Variants in PHLPP1 observed in about 807,000 individuals in gnomAD.
PHLPP1 encodes PH domain and leucine rich repeat protein phosphatase 1, also known as PH domain leucine-rich repeat-containing protein phosphatase 1.
PHLPP1 carries 42 observed loss-of-function variants against 117.2 expected under a neutral mutation model. The observed-to-expected ratio is 0.36, with a 90% CI of 0.28 to 0.46. The LOEUF (loss-of-function observed/expected upper bound fraction) is 0.46. PHLPP1 is among the 20% of genes least tolerant of loss of function. The probability of loss-of-function intolerance (pLI) is 1.00; values close to 1 mark genes in which losing one functional copy is unlikely to be tolerated. For missense variants in PHLPP1, 2,084 were observed against 2,241.9 expected (o/e 0.93, Z 1.42); for synonymous variants, 1,042 against 970.7 (o/e 1.07, Z -1.37).
chr18:62,817,490 CA>C (rs565222747), intron 1 of PHLPP1, among the ~76,000 whole-genome samples: 125 of 151,776 alleles, frequency 8.2e-4, no homozygotes, highest in African/African-American at 2.9e-3. Flanking sequence ...ATGGGATTAA[CA>C]ATAGCTCAAA....
At chr18:62,750,392 C>G (rs537912457) in intron 1 of PHLPP1, among the ~76,000 whole-genome samples, 1 of 152,282 alleles carries the variant, frequency 6.6e-6, no homozygotes, top group East Asian at 1.9e-4. Context: ...CTCTCCATCC[C>G]TCTATACAGA....
chr18:62,823,020 T>C (rs147088834), intron 1 of PHLPP1, among the ~76,000 whole-genome samples: 1 of 152,288 alleles, frequency 6.6e-6, no homozygotes, highest in East Asian at 1.9e-4. Flanking sequence ...TTAATAGAAA[T>C]TTTTGCTTGA....
At chr18:62,806,051 T>C (rs1485366075) in intron 1 of PHLPP1, among the ~76,000 whole-genome samples, 1 of 152,168 alleles carries the variant, frequency 6.6e-6, no homozygotes, top group Non-Finnish European at 1.5e-5. Flanking sequence ...CAAAGTGCCC[T>C]CCCGGACTTC....
chr18:62,774,818 T>C (rs1912900549), intron 1 of PHLPP1, among the ~76,000 whole-genome samples: 1 of 151,206 alleles, frequency 6.6e-6, no homozygotes. Flanking sequence ...CTCAAATGAA[T>C]AGCACATGAA....
intron 4 of PHLPP1, among the ~76,000 whole-genome samples, chr18:62,876,480 A>G (rs1398121281): frequency 6.6e-6 from 1 of 152,146 alleles, no homozygotes; most frequent in Non-Finnish European, 1.5e-5. Context: ...TGTACTTATC[A>G]ATCCTTTTAT....
chr18:62,840,293 C>T (rs1382924226), intron 3 of PHLPP1, among the ~76,000 whole-genome samples: 8 of 152,074 alleles, frequency 5.3e-5, no homozygotes, highest in Admixed American at 1.3e-4. Context: ...TAGAGAGTTT[C>T]GGTTGATAGG....
chr18:62,934,541 G>A (rs910230411), intron 10 of PHLPP1, among the ~76,000 whole-genome samples: 10 of 152,078 alleles, frequency 6.6e-5, no homozygotes, highest in African/African-American at 1.4e-4. Flanking sequence ...CCATAAAGCC[G>A]GAAACAAGAG....
At chr18:62,723,531 G>A (rs767888614) in intron 1 of PHLPP1, among the ~76,000 whole-genome samples, 10 of 152,202 alleles carry the variant, frequency 6.6e-5, no homozygotes, top group Non-Finnish European at 1.5e-4. Flanking sequence ...TATTTCTTCT[G>A]AATCAGACAT....
chr18:62,898,956 G>A (rs1916644909), intron 6 of PHLPP1, among the ~76,000 whole-genome samples: 1 of 151,792 alleles, frequency 6.6e-6, no homozygotes, highest in Admixed American at 6.6e-5. Context: ...CCATCACCAT[G>A]ACCGGCTAAT....
At chr18:62,843,850 A>G (rs17672291) in intron 3 of PHLPP1, among the ~76,000 whole-genome samples, 5,082 of 152,320 alleles carry the variant, frequency 0.033, 145 homozygotes, top group Non-Finnish European at 0.049. Context: ...AAGAGCTCCT[A>G]TCAGATATAT....
chr18:62,809,518 G>A (rs1432326455), intron 1 of PHLPP1, among the ~76,000 whole-genome samples: 2 of 152,130 alleles, frequency 1.3e-5, no homozygotes, highest in African/African-American at 2.4e-5. Flanking sequence ...GGCCAACATG[G>A]TGAAACCTCA....
intron 3 of PHLPP1, among the ~76,000 whole-genome samples, chr18:62,850,651 C>T (rs962511671): frequency 1.3e-5 from 2 of 152,060 alleles, no homozygotes; most frequent in African/African-American, 4.8e-5. Context: ...TTGATCTCCA[C>T]CCAAGTTGAA....
At chr18:62,878,772 C>T (rs1309918966) in intron 4 of PHLPP1, among the ~76,000 whole-genome samples, 1 of 151,536 alleles carries the variant, frequency 6.6e-6, no homozygotes, top group Non-Finnish European at 1.5e-5. Flanking sequence ...ATTTATACTC[C>T]TCATATTGTG....
chr18:62,803,570 A>G (rs1030021924), intron 1 of PHLPP1, among the ~76,000 whole-genome samples: 10 of 152,250 alleles, frequency 6.6e-5, no homozygotes, highest in African/African-American at 2.4e-4. Flanking sequence ...TAATTATACC[A>G]CAGTTAATAC....
intron 6 of PHLPP1, among the ~76,000 whole-genome samples, chr18:62,898,162 T>G (rs776720422): frequency 2.0e-5 from 3 of 152,198 alleles, no homozygotes; most frequent in Non-Finnish European, 4.4e-5. Flanking sequence ...CCCCAGTCTT[T>G]CCCTATTCCT....
At chr18:62,870,509 C>T (rs200140167) in intron 4 of PHLPP1, among the ~76,000 whole-genome samples, 1 of 152,132 alleles carries the variant, frequency 6.6e-6, no homozygotes, top group South Asian at 2.1e-4. Context: ...TTGTGGTAAT[C>T]TCTAATGTAT....
chr18:62,906,716 A>G (rs10451406), intron 8 of PHLPP1, among the ~76,000 whole-genome samples: 2 of 6,044 alleles, frequency 3.3e-4, no homozygotes, highest in South Asian at 2.4e-3. Context: ...CAAGGCGGCA[A>G]CGAGGCTGGG....
rs185315256 is a variant in PHLPP1, at chr18:62,798,542, A to G, written c.1577-31493A>G. On this transcript the variant is annotated intron_variant, in intron 1 of 16. Coordinates refer to ENST00000262719, the MANE Select transcript of PHLPP1 (RefSeq NM_194449.4). ...AAGTAGAACATATTAAATTACTAAG[A>G]AAAGAAAGACCCTTTTAAAAGTCTT... Among the ~76,000 whole-genome samples the G allele has an allele frequency of 5.3e-5, 8 of 152,336 alleles. No individual in the cohort carries two copies. The South Asian group carries it at 1.5e-3, about 28-fold the overall frequency.
At chr18:62,846,595 C>A (rs920138589) in intron 3 of PHLPP1, among the ~76,000 whole-genome samples, 4 of 151,028 alleles carry the variant, frequency 2.6e-5, no homozygotes, top group African/African-American at 9.7e-5. Context: ...AAGTTTCCTG[C>A]TAGTTCCATT....
Sources: gnomAD v4.1 joint callset for allele counts (sites outside exome capture counted in the v4.1 genomes callset) on GRCh38, gnomAD v4.1.1 for gene constraint, MANE v1.5 for transcripts, NCBI Gene and HGNC (gene_info 2026-07-23, HGNC 2026-07-21) for gene names.